Variants in ZNF91 observed in about 807,000 individuals in gnomAD.
ZNF91 encodes the protein zinc finger protein 91 (HPF7, HTF10).
A neutral mutation model predicts 12.6 loss-of-function variants in ZNF91; 7 were observed. The observed-to-expected ratio is 0.55, with a 90% confidence interval of 0.31 to 1.04. ZNF91 has a LOEUF of 1.04. Among genes scored for constraint, ZNF91 ranks in the 50% least tolerant of loss-of-function variants. The pLI, the probability that ZNF91 is intolerant of heterozygous loss-of-function variation, is 0.05. For synonymous variants in ZNF91, 453 were observed against 462.6 expected (o/e 0.98, Z 0.27); for missense variants, 1,217 against 1,385.4 (o/e 0.88, Z 1.93).
downstream of ZNF91, chr19:23,338,564 T>A (rs1216520921): frequency 3.3e-5 from 5 of 151,758 alleles, no homozygotes; most frequent in East Asian, 9.7e-4. Context: ...TATTAAAATA[T>A]ATAAAAGTAT....
intron 2 of ZNF91, 41 bp downstream of exon 2, chr19:23,374,597 A>G: frequency 6.5e-7 from 1 of 1,541,248 alleles, no homozygotes; most frequent in South Asian, 1.2e-5. Context: ...AAGTAAAACC[A>G]TTAGTTTATA....
downstream of ZNF91, among the ~76,000 whole-genome samples, chr19:23,355,269 A>G (rs1281642807): frequency 1.3e-5 from 2 of 152,192 alleles, no homozygotes; most frequent in African/African-American, 2.4e-5. Context: ...AGGCACATAG[A>G]CCAATGGAAC....
At chr19:23,343,607 A>T (rs574553110) in intron 3 of ZNF91, among the ~76,000 whole-genome samples, 7 of 152,228 alleles carry the variant, frequency 4.6e-5, no homozygotes, top group Non-Finnish European at 1.0e-4. Flanking sequence ...TATGTAACCT[A>T]GTTCTGTAAG....
At chr19:23,319,278 A>G (rs1163454604) in intron 1 of ZNF91, among the ~76,000 whole-genome samples, 1 of 152,222 alleles carries the variant, frequency 6.6e-6, no homozygotes, top group East Asian at 1.9e-4. Flanking sequence ...GTATTGTGAC[A>G]TATGGCCTAT....
intron 1 of ZNF91, chr19:23,385,009 G>C (rs1969829572): frequency 8.2e-7 from 1 of 1,222,320 alleles, no homozygotes; most frequent in Non-Finnish European, 1.2e-6. Flanking sequence ...CAGTCTGTTG[G>C]AGAACGGGAC....
At chr19:23,331,345 A>C (rs73563492) in intron 1 of ZNF91, among the ~76,000 whole-genome samples, 118 of 152,354 alleles carry the variant, frequency 7.7e-4, no homozygotes, top group African/African-American at 2.7e-3. Flanking sequence ...AAGTAATTTG[A>C]GTTTACTTCA....
intron 3 of ZNF91, among the ~76,000 whole-genome samples, chr19:23,346,696 A>G (rs295386): frequency 0.1 from 15,763 of 152,090 alleles, 1,256 homozygotes; most frequent in East Asian, 0.37. Flanking sequence ...CTACCTCTCT[A>G]AACTGCTTGA....
chr19:23,379,938 C>A (rs78594855), intron 1 of ZNF91, among the ~76,000 whole-genome samples: 1 of 150,772 alleles, frequency 6.6e-6, no homozygotes, highest in Non-Finnish European at 1.5e-5. Flanking sequence ...ACAATTGCCA[C>A]AGCAGCACTT....
chr19:23,362,217 A>T lies in ZNF91; in HGVS notation c.762T>A (p.Thr254=), dbSNP rs769041172. ...GKAFKQLSTL[T]THKIICAKEK... is the part of the protein sequence containing the mutation. ...CTTTAGCACAGATTATTTTATGTGT[A>T]GTAAGGGTTGAGAGCTGCTTAAAAG... The change falls in exon 4 of 4, where the codon ACT becomes ACA. Residue 254 remains threonine, a synonymous_variant. Transcript: ENST00000300619. 32 of 1,612,940 alleles carry T rather than the reference A, an allele frequency of 2.0e-5. No homozygotes were observed. Among genetic ancestry groups the T allele is most frequent in the Admixed American group, 3.3e-5 (2 of 59,966 alleles).
At chr19:23,320,737 A>G (rs1568366680) in intron 1 of ZNF91, among the ~76,000 whole-genome samples, 1 of 152,266 alleles carries the variant, frequency 6.6e-6, no homozygotes, top group Non-Finnish European at 1.5e-5. Context: ...TGGGTGGTAC[A>G]GAGAGTGTAC....
rs558661924 is a variant in ZNF91 at position 23,373,189 on chromosome 19, A to T, written c.253+553T>A. ...GAACAAGTGTTTGCTCCTTCTTTAC[A>T]GTCACCGATGCAAAACTATTGTTTC... On this transcript the variant is annotated intron_variant, in intron 3 of 3. Coordinates refer to ENST00000300619, the MANE Select transcript of ZNF91 (RefSeq NM_003430.4). 2.2e-4 allele frequency among the ~76,000 whole-genome samples: 34 copies of T among 152,168 alleles called. No individual in the cohort carries two copies. In the South Asian group the frequency reaches 5.8e-3, roughly 26 times the overall value.
chr19:23,365,297 CAAAA>C (rs59288286), intron 3 of ZNF91, among the ~76,000 whole-genome samples: 2 of 136,068 alleles, frequency 1.5e-5, no homozygotes, highest in Non-Finnish European at 1.6e-5. Context: ...CACAGTTCTA[CAAAA>C]AAAAAAAAAA....
chr19:23,305,531 A>C (rs1321833473), intron 3 of ZNF91, among the ~76,000 whole-genome samples: 1 of 152,224 alleles, frequency 6.6e-6, no homozygotes, highest in Non-Finnish European at 1.5e-5. Context: ...GATTTCAATC[A>C]GTCAATTAAC....
intron 2 of ZNF91, chr19:23,307,974 A>G (rs148504709): frequency 2.6e-5 from 4 of 152,340 alleles, no homozygotes; most frequent in Non-Finnish European, 5.9e-5. Context: ...ACTCTCCCGC[A>G]TGGGTCCTGC....
At chr19:23,339,847 T>C (rs762013475) in intron 3 of ZNF91, 2 of 148,770 alleles carry the variant, frequency 1.3e-5, no homozygotes, top group Non-Finnish European at 3.0e-5. Flanking sequence ...GGGAGGCTAA[T>C]ATAAAACGAT....
chr19:23,380,319 G>T (rs556439987), intron 1 of ZNF91: 2 of 138,706 alleles, frequency 1.4e-5, no homozygotes, highest in African/African-American at 2.6e-5. Context: ...AGCTTGAGCT[G>T]CAGAAGGAGA....
At chr19:23,325,330 T>A (rs897550997) in intron 1 of ZNF91, 1 of 152,118 alleles carries the variant, frequency 6.6e-6, no homozygotes, top group East Asian at 1.9e-4. Context: ...AAGCATCCCA[T>A]TGGTGTCAGT....
At chr19:23,314,962 G>C (rs1967529487), upstream of ZNF91, among the ~76,000 whole-genome samples, 1 of 152,144 alleles carries the variant, frequency 6.6e-6, no homozygotes, top group African/African-American at 2.4e-5. Flanking sequence ...TGGAGTGATT[G>C]TGACATATAC....
At chr19:23,328,166 C>T (rs946303321) in intron 1 of ZNF91, 2 of 152,006 alleles carry the variant, frequency 1.3e-5, no homozygotes, top group Non-Finnish European at 2.9e-5. Context: ...CATACAGTTG[C>T]TAATCTCATT....
Sources: gnomAD v4.1 joint callset for allele counts (sites outside exome capture counted in the v4.1 genomes callset) on GRCh38, gnomAD v4.1.1 for gene constraint, MANE v1.5 for transcripts, NCBI Gene and HGNC (gene_info 2026-07-23, HGNC 2026-07-21) for gene names.